EYS: variants seen among roughly 807,000 people sequenced by gnomAD.
The protein encoded by EYS is EGF-like photoreceptor maintenance factor, also known as protein eyes shut homolog.
Under a neutral mutation model 282.1 loss-of-function variants are expected in EYS, and 250 were observed. The observed-to-expected ratio is 0.89, with a 90% CI of 0.80 to 0.98. EYS has a LOEUF of 0.98. EYS is among the 50% of genes least tolerant of loss of function. EYS has a pLI of 0.00. For missense variants in EYS, 4,016 were observed against 3,709.0 expected (o/e 1.08, Z -2.15); for synonymous variants, 1,355 against 1,282.9 (o/e 1.06, Z -1.20).
intron 19 of EYS, among the ~76,000 whole-genome samples, chr6:64,883,989 C>G (rs916981496): frequency 2.6e-5 from 4 of 151,510 alleles, no homozygotes; most frequent in Non-Finnish European, 5.9e-5. Flanking sequence ...ACCATGTCAG[C>G]CTTGATCATC....
chr6:65,152,500 G>A (rs1764636744), intron 12 of EYS, among the ~76,000 whole-genome samples: 1 of 151,868 alleles, frequency 6.6e-6, no homozygotes, highest in African/African-American at 2.4e-5. Flanking sequence ...TGCACAGAAG[G>A]GCAATCAGGT....
At chr6:63,942,232 T>G (rs1765264622) in intron 35 of EYS, among the ~76,000 whole-genome samples, 1 of 152,152 alleles carries the variant, frequency 6.6e-6, no homozygotes, top group African/African-American at 2.4e-5. Flanking sequence ...AAAAATGTCA[T>G]CATTGTTATA....
chr6:64,707,440 T>C (rs763572806), intron 22 of EYS, among the ~76,000 whole-genome samples: 28 of 151,566 alleles, frequency 1.8e-4, no homozygotes, highest in Non-Finnish European at 3.2e-4. Context: ...GAGACCGAGG[T>C]GGGCGGGTCA....
chr6:64,511,242 T>TATATATATGATATATATATCATATGTATC (rs1554169142), intron 26 of EYS, among the ~76,000 whole-genome samples: 6,264 of 138,254 alleles, frequency 0.045, 282 homozygotes, highest in African/African-American at 0.071. Context: ...ATATATCATA[T>TATATATATGATATATATATCATATGTATC]ATATATATGA....
At chr6:65,332,471 T>A (rs1398982155) in intron 11 of EYS, 2 of 1,292,196 alleles carry the variant, frequency 1.5e-6, no homozygotes, top group African/African-American at 3.0e-5. Flanking sequence ...GGCCTAATAT[T>A]TAAGTCTATG....
chr6:63,762,988 G>A (rs1769686671), intron 40 of EYS, among the ~76,000 whole-genome samples: 1 of 152,064 alleles, frequency 6.6e-6, no homozygotes, highest in Non-Finnish European at 1.5e-5. Context: ...CTAGTGAAAA[G>A]AGATTCAGCA....
At chr6:65,088,452 A>C (rs769667418) in intron 12 of EYS, among the ~76,000 whole-genome samples, 1 of 152,210 alleles carries the variant, frequency 6.6e-6, no homozygotes, top group Middle Eastern at 3.2e-3. Context: ...ATCAAAGGTC[A>C]CTCATGCTAT....
At chr6:64,513,293 A>C (rs912816023) in intron 26 of EYS, among the ~76,000 whole-genome samples, 1 of 151,976 alleles carries the variant, frequency 6.6e-6, no homozygotes, top group Non-Finnish European at 1.5e-5. Flanking sequence ...ATAAATTGGC[A>C]AAAGTGTCAT....
At chr6:65,637,701 A>C (rs1236136489) in intron 2 of EYS, among the ~76,000 whole-genome samples, 2 of 152,180 alleles carry the variant, frequency 1.3e-5, no homozygotes, top group African/African-American at 4.8e-5. Flanking sequence ...AAGCCTGGGC[A>C]CTGTTGCAAC....
At chr6:65,514,896 T>C (rs1767061220) in intron 2 of EYS, among the ~76,000 whole-genome samples, 1 of 152,092 alleles carries the variant, frequency 6.6e-6, no homozygotes, top group Non-Finnish European at 1.5e-5. Flanking sequence ...ACTTCATGTC[T>C]AAAACACCAA....
chr6:65,495,105 A>G lies in EYS; in HGVS notation c.306T>C (p.Asn102=). The G allele has an allele frequency of 6.2e-7, 1 of 1,614,180 alleles. No individual in the cohort carries two copies. The highest frequency in any genetic ancestry group is 8.5e-7 in the Non-Finnish European group (1 of 1,180,016). Reference sequence around the variant, plus strand: ...AAGATGTTTCAGAAACATTCATCAAATTTATTTCTGGAAATTGAAGAGATG... The same window carrying G: ...AAGATGTTTCAGAAACATTCATCAAGTTTATTTCTGGAAATTGAAGAGATG... ...SEPSLQFPEI[N]LMNVSETSFV... is the part of the protein sequence containing the mutation. The change falls in exon 4 of 43, where the codon AAT becomes AAC. Residue 102 remains asparagine (N), a synonymous_variant. Transcript: ENST00000503581.
In EYS at chr6:65,421,918, C is replaced by T. The variant is rs1241014350; in HGVS notation, c.863-16551G>A. Among the ~76,000 whole-genome samples, 19 of 151,760 alleles carry T rather than the reference C, an allele frequency of 1.3e-4. 1 individual carries two copies. The highest frequency in any genetic ancestry group is 2.5e-4 in the Non-Finnish European group (17 of 67,878). On this transcript the variant is annotated intron_variant, in intron 5 of 42. Coordinates refer to ENST00000503581, the MANE Select transcript of EYS (RefSeq NM_001142800.2). ...TCCAAAGCAATTACAATAGTAACATCAAAGATCAATGATCACAGAGCCCCA... is the reference window on the plus strand; with the variant it reads ...TCCAAAGCAATTACAATAGTAACATTAAAGATCAATGATCACAGAGCCCCA...
intron 40 of EYS, among the ~76,000 whole-genome samples, chr6:63,770,702 G>A (rs116752900): frequency 0.012 from 1,837 of 152,136 alleles, 30 homozygotes; most frequent in African/African-American, 0.042. Context: ...ACAAGTTGGG[G>A]GAATAAGGTA....
chr6:64,392,176 G>T (rs569598644), intron 28 of EYS, among the ~76,000 whole-genome samples: 2 of 150,918 alleles, frequency 1.3e-5, no homozygotes, highest in African/African-American at 4.9e-5. Flanking sequence ...CATTAATAAT[G>T]GGAGACTTTA....
At chr6:65,080,298 A>AG (rs1774195087) in intron 12 of EYS, among the ~76,000 whole-genome samples, 1 of 152,140 alleles carries the variant, frequency 6.6e-6, no homozygotes, top group South Asian at 2.1e-4. Flanking sequence ...TGATCTGGAA[A>AG]GATAAAGAGA....
chr6:64,406,780 C>T (rs962244618), intron 28 of EYS, among the ~76,000 whole-genome samples: 34 of 152,234 alleles, frequency 2.2e-4, no homozygotes, highest in African/African-American at 7.5e-4. Context: ...GTTAGAATGG[C>T]AATCATTAAC....
intron 11 of EYS, chr6:65,331,675 G>A (rs988780963): frequency 4.1e-6 from 4 of 979,180 alleles, no homozygotes; most frequent in South Asian, 4.7e-5. Context: ...ATCACAAAAC[G>A]AAGGATAATT....
chr6:64,069,434 A>AC (rs1771491777), intron 32 of EYS, among the ~76,000 whole-genome samples: 2 of 151,928 alleles, frequency 1.3e-5, no homozygotes, highest in African/African-American at 2.4e-5. Context: ...CAGTATATGT[A>AC]TGTATATACA....
At chr6:64,022,055 TACAG>T (rs780654014) in intron 33 of EYS, among the ~76,000 whole-genome samples, 12 of 152,314 alleles carry the variant, frequency 7.9e-5, no homozygotes, top group Non-Finnish European at 1.2e-4. Flanking sequence ...TTTTTTCTGT[TACAG>T]ACACTGATCA....
Sources: gnomAD v4.1 joint callset for allele counts (sites outside exome capture counted in the v4.1 genomes callset) on GRCh38, gnomAD v4.1.1 for gene constraint, MANE v1.5 for transcripts, NCBI Gene and HGNC (gene_info 2026-07-23, HGNC 2026-07-21) for gene names.